The following XPNPEP1 variants were observed in gnomAD, a reference collection of about 807,000 sequenced individuals.
XPNPEP1 encodes the protein xaa-Pro aminopeptidase 1.
XPNPEP1 carries 39 observed loss-of-function variants against 92.4 expected under a neutral mutation model. The ratio of observed to expected loss-of-function variants is 0.42; its 90% confidence interval spans 0.33 to 0.55. The LOEUF (loss-of-function observed/expected upper bound fraction) is 0.55, where lower values mean the gene tolerates loss of function less well. XPNPEP1 is among the 20% of genes least tolerant of loss of function. The probability of loss-of-function intolerance (pLI) is 0.08; values close to 1 mark genes in which losing one functional copy is unlikely to be tolerated. For missense variants in XPNPEP1, 654 were observed against 856.1 expected (o/e 0.76, Z 2.95); for synonymous variants, 307 against 299.4 (o/e 1.03, Z -0.26).
In XPNPEP1 at chr10:109,897,256, T is replaced by C. The variant is rs541635840; in HGVS notation, c.247-4181A>G. Among the ~76,000 whole-genome samples, 7 of 151,522 alleles carry C rather than the reference T, an allele frequency of 4.6e-5. 1 individual carries two copies. In the East Asian group the frequency reaches 1.2e-3, roughly 25 times the overall value. ...AAACAATACATAGCCAAATAAAGCA[T>C]CTGTAAACTACAAAAAAAAAAAAAG... is the stretch of plus-strand genomic sequence containing the variant. On this transcript the variant is annotated intron_variant, in intron 3 of 20. Coordinates refer to ENST00000502935, the MANE Select transcript of XPNPEP1 (RefSeq NM_020383.4).
chr10:109,878,369 G>C lies in XPNPEP1; in HGVS notation c.1183-311C>G, dbSNP rs116700322. ...ATCCCCTCCTAAGAAATCATCGTAA[G>C]AAAATCATTCTAGAGAAATAAAAAA... On this transcript the variant is annotated intron_variant, in intron 12 of 20. Transcript: ENST00000502935. 884 of 265,622 alleles carry C rather than the reference G, an allele frequency of 3.3e-3. 10 individuals are homozygous for C. The highest frequency in any genetic ancestry group is 0.018 in the African/African-American group (820 of 45,628). 16.5% of individuals were successfully genotyped at this position (265,622 alleles called of 1,614,324 possible).
chr10:109,923,496 G>C lies in XPNPEP1; in HGVS notation c.-63C>G. On this transcript the variant is annotated 5_prime_UTR_variant, in exon 1 of 21. Transcript: ENST00000502935. ...CAGACCAGCTGATCACCCGCGGAAGGGCCGGCGCGAAGGAGGCGCGAGAGC... is the reference window on the plus strand; with the variant it reads ...CAGACCAGCTGATCACCCGCGGAAGCGCCGGCGCGAAGGAGGCGCGAGAGC... 1.5e-6 allele frequency: 2 copies of C among 1,298,592 alleles called. No homozygotes were observed. Among genetic ancestry groups the C allele is most frequent in the Non-Finnish European group, 2.0e-6 (2 of 1,015,814 alleles). The allele number at this position is 1,298,592 out of a possible 1,614,324, so 80.4% of individuals were successfully genotyped here. A position where few individuals can be genotyped will look rare whatever the true frequency, so the allele number is the denominator to read the frequency against.
Position 109,893,186 on chromosome 10 carries a change from T to A in XPNPEP1, c.247-111A>T, listed in dbSNP as rs1264423657. 2.7e-5 allele frequency: 26 copies of A among 970,008 alleles called. No individual in the cohort carries two copies. The South Asian group carries it at 3.9e-4, about 15-fold the overall frequency. 60.1% of individuals were successfully genotyped at this position (970,008 alleles called of 1,614,324 possible). On this transcript the variant is annotated intron_variant, in intron 3 of 20. Transcript: ENST00000502935. ...GGGGACTATGAAGACTGGGGAATCC[T>A]TGGCCCCCGCCCTCAAGAAGCCAAC... is the stretch of plus-strand genomic sequence containing the variant.
intron 9 of XPNPEP1, among the ~76,000 whole-genome samples, chr10:109,883,619 T>C (rs755629486): frequency 2.0e-5 from 3 of 152,192 alleles, no homozygotes; most frequent in Non-Finnish European, 4.4e-5. Context: ...CAAAAAGCTA[T>C]TGAAATAGAA....
In XPNPEP1 at chr10:109,882,641, G is replaced by T. The variant is rs765786759; in HGVS notation, c.832C>A (p.Leu278Ile). 11 of 1,614,062 alleles carry T rather than the reference G, an allele frequency of 6.8e-6. No individual in the cohort carries two copies. Among genetic ancestry groups the T allele is most frequent in the Non-Finnish European group, 9.3e-6 (11 of 1,179,930 alleles). Reference protein sequence around the residue: ...YAIIGLETIMLFIDGDRIDAP... With the variant: ...YAIIGLETIMIFIDGDRIDAP... The stretch of plus-strand genomic sequence containing the variant: ...TCTATGCGGTCACCATCAATGAAGA[G>T]CCTGCAGATGGAGGAGAGGTGGGTG... Residue 278 changes from leucine (L) to isoleucine (I), a missense_variant and splice_region_variant, in exon 10 of 21, where the codon CTC becomes ATC. Physicochemically the swap from Leu to Ile is conservative, Grantham distance 5. Transcript: ENST00000502935.
chr10:109,911,238 G>A (rs1849853078), intron 2 of XPNPEP1, among the ~76,000 whole-genome samples: 2 of 152,326 alleles, frequency 1.3e-5, no homozygotes, highest in South Asian at 4.1e-4. Context: ...GCATATCCAT[G>A]TTCCTTGCAT....
chr10:109,918,725 C>T (rs1428268491), intron 1 of XPNPEP1, among the ~76,000 whole-genome samples: 4 of 151,552 alleles, frequency 2.6e-5, no homozygotes, highest in Admixed American at 1.3e-4. Context: ...CGGGCCACTG[C>T]ACTCCAGCCT....
chr10:109,892,954 G>A (rs1848780031), intron 4 of XPNPEP1, 58 bp downstream of exon 4: 1 of 1,560,468 alleles, frequency 6.4e-7, no homozygotes, highest in South Asian at 1.1e-5. Context: ...ACTCGGTTCA[G>A]TTATTTTTAG....
At chr10:109,871,111 T>A in intron 17 of XPNPEP1, 1 of 529,972 alleles carries the variant, frequency 1.9e-6, no homozygotes, top group Non-Finnish European at 3.2e-6. Flanking sequence ...CGATCATCCA[T>A]TCAGGATGCT....
intron 5 of XPNPEP1, among the ~76,000 whole-genome samples, chr10:109,890,447 C>T (rs1367855215): frequency 6.6e-6 from 1 of 152,036 alleles, no homozygotes; most frequent in Non-Finnish European, 1.5e-5. Flanking sequence ...AACATACATA[C>T]ATGTTGCGGG....
At chr10:109,871,500 T>A (rs1027319966) in intron 17 of XPNPEP1, among the ~76,000 whole-genome samples, 9 of 152,342 alleles carry the variant, frequency 5.9e-5, no homozygotes, top group Non-Finnish European at 1.0e-4. Context: ...CCCTGTGACC[T>A]TCATATCTGG....
At chr10:109,900,399 T>C (rs1849221368) in intron 3 of XPNPEP1, among the ~76,000 whole-genome samples, 1 of 152,144 alleles carries the variant, frequency 6.6e-6, no homozygotes, top group Non-Finnish European at 1.5e-5. Context: ...TTCCTTCTTG[T>C]TCTCACAATC....
chr10:109,890,373 C>G (rs1488605973), intron 5 of XPNPEP1, among the ~76,000 whole-genome samples: 1 of 152,096 alleles, frequency 6.6e-6, no homozygotes, highest in Non-Finnish European at 1.5e-5. Context: ...AAAGAAATTA[C>G]AAAGTTAGTT....
At position 109,888,717 on chromosome 10, in the gene XPNPEP1, T is replaced by A. The variant is rs548517277; in HGVS notation, c.416-122A>T. On this transcript the variant is annotated intron_variant, in intron 5 of 20. Coordinates refer to ENST00000502935, the MANE Select transcript of XPNPEP1 (RefSeq NM_020383.4). ...TCTTTATTAAGCAGCTTCTTTAAAGTGGATTGACAGGACTTAGAAAATCTG... is the reference window on the plus strand; with the variant it reads ...TCTTTATTAAGCAGCTTCTTTAAAGAGGATTGACAGGACTTAGAAAATCTG... 4.9e-5 allele frequency: 34 copies of A among 691,898 alleles called. No individual in the cohort carries two copies. The South Asian group carries it at 1.2e-3, about 25-fold the overall frequency. 42.9% of individuals were successfully genotyped at this position (691,898 alleles called of 1,614,324 possible).
intron 14 of XPNPEP1, 38 bp downstream of exon 14, chr10:109,877,752 C>T (rs1430136156): frequency 6.2e-7 from 1 of 1,613,428 alleles, no homozygotes; most frequent in South Asian, 1.1e-5. Flanking sequence ...TGTGCAGAAG[C>T]AGCAAGGCCA....
At chr10:109,872,886 C>G (rs1315613777) in intron 16 of XPNPEP1, among the ~76,000 whole-genome samples, 2 of 152,210 alleles carry the variant, frequency 1.3e-5, no homozygotes, top group African/African-American at 4.8e-5. Flanking sequence ...ACCCCTAGTA[C>G]ACATCTCTCT....
At chr10:109,871,001 G>T in intron 17 of XPNPEP1, 97 bp from the exon 18 acceptor site, 1 of 1,396,850 alleles carries the variant, frequency 7.2e-7, no homozygotes, top group Non-Finnish European at 9.6e-7. Context: ...GAAACCAATA[G>T]GTAAGTTACT....
At chr10:109,914,365 G>A (rs1430092085) in intron 2 of XPNPEP1, among the ~76,000 whole-genome samples, 1 of 151,840 alleles carries the variant, frequency 6.6e-6, no homozygotes, top group Non-Finnish European at 1.5e-5. Flanking sequence ...GATAATGAAG[G>A]ACTATATTAG....
At chr10:109,877,485 T>A in intron 14 of XPNPEP1, 1 of 281,610 alleles carries the variant, frequency 3.6e-6, no homozygotes, top group Admixed American at 4.7e-5. Flanking sequence ...AAAAACTTAG[T>A]CATCAAGATG....
Sources: allele counts gnomAD v4.1 joint callset (sites outside exome capture counted in the v4.1 genomes callset), GRCh38; gene constraint gnomAD v4.1.1; transcripts MANE v1.5; gene names NCBI Gene and HGNC (gene_info 2026-07-23, HGNC 2026-07-21).